CYSLTR1: variants seen among roughly 807,000 people sequenced by gnomAD.
The protein encoded by CYSLTR1 is cysteinyl leukotriene receptor 1.
CYSLTR1 carries 1 observed loss-of-function variant against 2.1 expected under a neutral mutation model. That is an observed-to-expected ratio of 0.48 (90% CI 0.17 to 2.28). The LOEUF (loss-of-function observed/expected upper bound fraction) is 2.28, where lower values mean the gene tolerates loss of function less well. Ranked by LOEUF, CYSLTR1 falls within the 30% of genes most tolerant of loss-of-function variation. CYSLTR1 has a pLI of 0.26. For missense variants in CYSLTR1, 299 were observed against 250.1 expected (o/e 1.20, Z -1.32); for synonymous variants, 110 against 89.6 (o/e 1.23, Z -1.28).
chrX:78,286,675 G>A (rs1922087146), intron 1 of CYSLTR1, among the ~76,000 whole-genome samples: 1 of 90,982 alleles, frequency 1.1e-5, no homozygotes, highest in Non-Finnish European at 2.1e-5. Context: ...AGAGTGTGAT[G>A]TTCCCCTTCC....
chrX:78,293,697 T>G (rs1402446199), intron 1 of CYSLTR1, among the ~76,000 whole-genome samples: 1 of 111,704 alleles, frequency 9.0e-6, no homozygotes, highest in African/African-American at 3.3e-5. Flanking sequence ...TTTTTTTCTC[T>G]AAACTTCTCT....
chrX:78,282,232 CCT>C (rs1177602692), intron 2 of CYSLTR1, among the ~76,000 whole-genome samples: 1 of 111,877 alleles, frequency 8.9e-6, no homozygotes, highest in Non-Finnish European at 1.9e-5. Context: ...CTTCCCTCAG[CCT>C]CTTTCTGAAG....
At chrX:78,274,692 C>A (rs1199653865) in intron 2 of CYSLTR1, among the ~76,000 whole-genome samples, 2 of 109,935 alleles carry the variant, frequency 1.8e-5, no homozygotes, top group Non-Finnish European at 3.8e-5. Flanking sequence ...GTCTAAAACA[C>A]CAAAAGCAAT....
In CYSLTR1 at chrX:78,273,154, A is replaced by C. The variant is rs767842487; in HGVS notation, c.593T>G (p.Phe198Cys). 7 of 1,209,919 alleles carry C rather than the reference A, an allele frequency of 5.8e-6. No homozygotes were observed. The highest frequency in any genetic ancestry group is 3.5e-5 in the South Asian group (2 of 56,766). ...VLHYVSLFVG[F>C]IIPFVIIIVC... The stretch of plus-strand genomic sequence containing the variant: ...AATTATAATAACAAAAGGGATGATA[A>C]AGCCAACAAACAATGACACATAATG... Residue 198 changes from phenylalanine to cysteine, a missense_variant, in exon 3 of 3, where the codon TTT becomes TGT. Physicochemically the swap from Phe to Cys is radical, Grantham distance 205. Transcript: ENST00000373304.
At chrX:78,324,373 T>C (rs1456184675) in intron 1 of CYSLTR1, among the ~76,000 whole-genome samples, 1 of 112,358 alleles carries the variant, frequency 8.9e-6, no homozygotes, top group Non-Finnish European at 1.9e-5. Context: ...TGTTTGTTTG[T>C]TTGTTTGTTT....
intron 1 of CYSLTR1, among the ~76,000 whole-genome samples, chrX:78,299,656 G>A (rs1376341477): frequency 1.8e-5 from 2 of 111,331 alleles, no homozygotes; most frequent in Non-Finnish European, 3.8e-5. Flanking sequence ...TATGCTGCCA[G>A]AGGTATTGGA....
At chrX:78,299,410 G>A (rs1231476887) in intron 1 of CYSLTR1, among the ~76,000 whole-genome samples, 1 of 110,804 alleles carries the variant, frequency 9.0e-6, no homozygotes, top group Non-Finnish European at 1.9e-5. Flanking sequence ...ATTATTTATT[G>A]CTCACTAATG....
At chrX:78,315,873 C>A (rs944659173) in intron 1 of CYSLTR1, among the ~76,000 whole-genome samples, 1 of 111,912 alleles carries the variant, frequency 8.9e-6, no homozygotes, top group African/African-American at 3.3e-5. Flanking sequence ...GCTGGGTTTA[C>A]CACCTGCTGA....
At chrX:78,281,269 AT>A (rs199904181) in intron 2 of CYSLTR1, among the ~76,000 whole-genome samples, 5,494 of 97,526 alleles carry the variant, frequency 0.056, 126 homozygotes, top group East Asian at 0.078. Flanking sequence ...TTATGTTTTA[AT>A]TTTTTTTTTT....
At chrX:78,276,805 G>A (rs1921611670) in intron 2 of CYSLTR1, among the ~76,000 whole-genome samples, 1 of 110,632 alleles carries the variant, frequency 9.0e-6, no homozygotes, top group South Asian at 3.9e-4. Context: ...TGGAAAAAAG[G>A]CATTGAAAGT....
intron 2 of CYSLTR1, among the ~76,000 whole-genome samples, chrX:78,278,064 C>T (rs2149182511): frequency 9.0e-6 from 1 of 111,583 alleles, no homozygotes; most frequent in South Asian, 3.8e-4. Context: ...ATAAAATAGC[C>T]CTTTTAAGAA....
chrX:78,284,641 A>T (rs1208835100), intron 1 of CYSLTR1, among the ~76,000 whole-genome samples: 1 of 109,569 alleles, frequency 9.1e-6, no homozygotes, highest in Non-Finnish European at 1.9e-5. Context: ...ACCTCAGGTG[A>T]TCTGCTCGCT....
At chrX:78,287,027 T>C (rs1454705234) in intron 1 of CYSLTR1, among the ~76,000 whole-genome samples, 1 of 111,932 alleles carries the variant, frequency 8.9e-6, no homozygotes, top group African/African-American at 3.2e-5. Flanking sequence ...CTTATTATTG[T>C]GTATGACAGT....
chrX:78,274,715 C>A (rs1349948854), intron 2 of CYSLTR1, among the ~76,000 whole-genome samples: 4 of 110,064 alleles, frequency 3.6e-5, no homozygotes, highest in South Asian at 3.9e-4. Flanking sequence ...CAACAAAAGC[C>A]AAAATTGACA....
intron 1 of CYSLTR1, among the ~76,000 whole-genome samples, chrX:78,291,945 G>A (rs1922354212): frequency 9.2e-6 from 1 of 108,771 alleles, no homozygotes; most frequent in Admixed American, 9.8e-5. Flanking sequence ...TTTTTTTGAA[G>A]AGTTTTTTTG....
intron 2 of CYSLTR1, among the ~76,000 whole-genome samples, chrX:78,278,423 G>A (rs1457431496): frequency 9.0e-6 from 1 of 111,725 alleles, no homozygotes; most frequent in East Asian, 2.8e-4. Context: ...GGAGGTGGAA[G>A]ATCTCTACAA....
chrX:78,288,114 G>A (rs138319930), intron 1 of CYSLTR1, among the ~76,000 whole-genome samples: 4,397 of 110,564 alleles, frequency 0.04, 139 homozygotes, highest in African/African-American at 0.11. Context: ...CAGGCGGGGA[G>A]AATTACTTGA....
At chrX:78,275,145 T>C (rs2149180905) in intron 2 of CYSLTR1, among the ~76,000 whole-genome samples, 1 of 112,188 alleles carries the variant, frequency 8.9e-6, no homozygotes, top group South Asian at 3.7e-4. Context: ...TGTAAACTAG[T>C]TCAACCATTG....
chrX:78,312,580 C>G (rs1330513903), intron 1 of CYSLTR1, among the ~76,000 whole-genome samples: 1 of 111,935 alleles, frequency 8.9e-6, no homozygotes, highest in Non-Finnish European at 1.9e-5. Context: ...GTACACCTGA[C>G]AGAGGTCTAA....
Sources: allele counts gnomAD v4.1 joint callset (sites outside exome capture counted in the v4.1 genomes callset), GRCh38; gene constraint gnomAD v4.1.1; transcripts MANE v1.5; gene names NCBI Gene and HGNC (gene_info 2026-07-23, HGNC 2026-07-21).